Variants in CIP2A observed in about 807,000 individuals in gnomAD.
The protein encoded by CIP2A is protein CIP2A.
In CIP2A, 103 loss-of-function variants were observed where a neutral mutation model predicts 110.9. The observed-to-expected ratio is 0.93, with a 90% confidence interval of 0.79 to 1.09. The LOEUF (loss-of-function observed/expected upper bound fraction) is 1.09, where lower values mean the gene tolerates loss of function less well. CIP2A is among the 50% of genes least tolerant of loss of function. The probability of loss-of-function intolerance (pLI) is 0.00; values close to 1 mark genes in which losing one functional copy is unlikely to be tolerated. For synonymous variants in CIP2A, 381 were observed against 361.6 expected (o/e 1.05, Z -0.61); for missense variants, 1,088 against 1,038.4 (o/e 1.05, Z -0.66).
chr3:108,582,135 T>C lies in CIP2A; in HGVS notation c.425A>G (p.Glu142Gly). Residue 142 changes from glutamate to glycine, a missense_variant, in exon 4 of 21, where the codon GAA becomes GGA. Physicochemically the swap from Glu to Gly is moderately conservative, Grantham distance 98 (BLOSUM62 -2). Transcript: ENST00000295746. The part of the protein sequence containing the change: ...KIFYSGANID[E>G]LITFLIDHIQ... ...GTGATCTATCAGGAACGTAATTAATTCATCTATATTGGCACCAGAATAGAA... is the reference window on the plus strand; with the variant it reads ...GTGATCTATCAGGAACGTAATTAATCCATCTATATTGGCACCAGAATAGAA... 1 of 1,494,884 alleles carries C rather than the reference T, an allele frequency of 6.7e-7. No individual in the cohort carries two copies. The highest frequency in any genetic ancestry group is 9.2e-7 in the Non-Finnish European group (1 of 1,086,148). The allele number at this position is 1,494,884 out of a possible 1,614,324, so 92.6% of individuals were successfully genotyped here.
intron 10 of CIP2A, 29 bp downstream of exon 10, chr3:108,568,126 G>A (rs1938247278): frequency 6.3e-7 from 1 of 1,580,178 alleles, no homozygotes; most frequent in South Asian, 1.1e-5. Flanking sequence ...TAGTTATACA[G>A]TTTTCACGTT....
chr3:108,561,487 C>T (rs368836811), intron 13 of CIP2A, among the ~76,000 whole-genome samples: 2 of 152,014 alleles, frequency 1.3e-5, no homozygotes, highest in Admixed American at 6.6e-5. Flanking sequence ...CCTGGGCAAC[C>T]TGGTGAGACC....
chr3:108,579,224 C>G lies in CIP2A; in HGVS notation c.818+57G>C, dbSNP rs966460843. ...TTAAGAAGACAATTCTGTTTATAAC[C>G]AACACATCTTGGTTTAAAAATAAAA... On this transcript the variant is annotated intron_variant, in intron 7 of 20. Transcript: ENST00000295746. 1.6e-5 allele frequency: 21 copies of G among 1,297,490 alleles called. No homozygotes were observed. The African/African-American group carries it at 2.7e-4, about 17-fold the overall frequency. 80.4% of individuals were successfully genotyped at this position (1,297,490 alleles called of 1,614,324 possible).
Position 108,579,414 on chromosome 3 carries a change from G to A in CIP2A, c.685C>T (p.Arg229Ter), listed in dbSNP as rs747274890. The A allele has an allele frequency of 6.8e-6, 11 of 1,607,670 alleles. No individual in the cohort carries two copies. The highest frequency in any genetic ancestry group is 1.3e-5 in the African/African-American group (1 of 74,704). ...EEVGEKLFHA[R>*]NIHQTFQLIF... ...AGTTGAAAAGTCTGATGAATGTTTCGAGCATGGAATAGCTTAAGGACAAAT... is the reference window on the plus strand; with the variant it reads ...AGTTGAAAAGTCTGATGAATGTTTCAAGCATGGAATAGCTTAAGGACAAAT... Residue 229 changes from arginine (R) to a stop codon, truncating the protein, a stop_gained, in exon 7 of 21, where the codon CGA becomes TGA. Transcript: ENST00000295746. LOFTEE classifies it high-confidence loss of function.
chr3:108,558,595 T>C (rs1000014939), intron 16 of CIP2A, among the ~76,000 whole-genome samples: 2 of 152,076 alleles, frequency 1.3e-5, no homozygotes, highest in African/African-American at 4.8e-5. Flanking sequence ...TCCACGTGGT[T>C]TGAAAAATGT....
intron 12 of CIP2A, among the ~76,000 whole-genome samples, chr3:108,564,126 C>CCAGTGTCA (rs1409275296): frequency 6.6e-5 from 10 of 152,016 alleles, no homozygotes; most frequent in Middle Eastern, 3.4e-3. Context: ...TGAGTATAAT[C>CCAGTGTCA]CAGTGTCACA....
chr3:108,582,023 T>C (rs1938898920), intron 4 of CIP2A, 85 bp downstream of exon 4: 2 of 617,522 alleles, frequency 3.2e-6, no homozygotes, highest in Non-Finnish European at 5.7e-6. Flanking sequence ...GAAAATGTTA[T>C]CTAAGAAAAA....
chr3:108,584,366 T>A (rs1576320555), intron 2 of CIP2A, among the ~76,000 whole-genome samples: 1 of 152,142 alleles, frequency 6.6e-6, no homozygotes, highest in African/African-American at 2.4e-5. Context: ...CAGAAAAATA[T>A]CTGCAAAGAA....
intron 8 of CIP2A, among the ~76,000 whole-genome samples, chr3:108,575,886 GTGT>G (rs1938620732): frequency 2.2e-5 from 1 of 45,282 alleles, no homozygotes; most frequent in African/African-American, 6.5e-5. Context: ...TCATATACAT[GTGT>G]ATGAGTATAT....
intron 19 of CIP2A, among the ~76,000 whole-genome samples, chr3:108,553,441 T>G (rs2107308589): frequency 6.6e-6 from 1 of 152,050 alleles, no homozygotes; most frequent in Admixed American, 6.6e-5. Context: ...TTCTTATAGC[T>G]CCTAAATTTA....
At chr3:108,589,169 G>A in intron 1 of CIP2A, 105 bp downstream of exon 1, 1 of 784,752 alleles carries the variant, frequency 1.3e-6, no homozygotes, top group Non-Finnish European at 2.2e-6. Context: ...GGGATCGAAG[G>A]ACTGTCCTTT....
intron 17 of CIP2A, among the ~76,000 whole-genome samples, chr3:108,555,018 T>G (rs1416094498): frequency 3.3e-5 from 5 of 152,158 alleles, no homozygotes; most frequent in Non-Finnish European, 7.4e-5. Context: ...GTAGCCAAAC[T>G]TGGCCAGCAG....
chr3:108,585,277 A>G, intron 1 of CIP2A, 65 bp from the exon 2 acceptor site: 1 of 1,435,892 alleles, frequency 7.0e-7, no homozygotes, highest in Non-Finnish European at 9.4e-7. Flanking sequence ...CTCCATTTCA[A>G]ATAAAAAACT....
At position 108,589,399 on chromosome 3, in the gene CIP2A, G is replaced by C. The variant is rs751593016; in HGVS notation, c.-24C>G. On this transcript the variant is annotated 5_prime_UTR_variant, in exon 1 of 21. Coordinates refer to ENST00000295746, the MANE Select transcript of CIP2A (RefSeq NM_020890.3). ...ATTGCACCGGCCGCGGCCCGGCTTA[G>C]GGACCACCACCGCCCAGCGTGCGCC... 3.8e-6 allele frequency: 6 copies of C among 1,564,116 alleles called. No individual in the cohort carries two copies. In the South Asian group the frequency reaches 4.5e-5, roughly 12 times the overall value.
chr3:108,571,841 T>C (rs895465792), intron 8 of CIP2A, among the ~76,000 whole-genome samples: 2 of 152,170 alleles, frequency 1.3e-5, no homozygotes, highest in African/African-American at 2.4e-5. Context: ...GTTTTCATAA[T>C]TGGTTGTTCT....
chr3:108,579,458 C>CA, intron 6 of CIP2A, 32 bp from the exon 7 acceptor site: 5 of 1,574,332 alleles, frequency 3.2e-6, no homozygotes, highest in Non-Finnish European at 4.3e-6. Context: ...GCATATTAGA[C>CA]AAAAAATTAA....
chr3:108,565,501 A>G (rs1482269965), intron 11 of CIP2A, 47 bp from the exon 12 acceptor site: 3 of 1,049,714 alleles, frequency 2.9e-6, no homozygotes, highest in East Asian at 2.5e-5. Flanking sequence ...AAAATTTCTT[A>G]GAGCTTGTTT....
intron 12 of CIP2A, among the ~76,000 whole-genome samples, 165 bp downstream of exon 12, chr3:108,565,190 T>C (rs1306112201): frequency 6.6e-6 from 1 of 151,924 alleles, no homozygotes; most frequent in Non-Finnish European, 1.5e-5. Flanking sequence ...AAAATAACTG[T>C]GCAGTGAGAC....
At position 108,560,525 on chromosome 3, in the gene CIP2A, G is replaced by C. The variant is rs1304857387; in HGVS notation, c.1827+124C>G. 7.7e-5 allele frequency: 49 copies of C among 635,756 alleles called. 1 individual carries two copies. In the East Asian group the frequency reaches 1.5e-3, roughly 19 times the overall value. 39.4% of individuals were successfully genotyped at this position (635,756 alleles called of 1,614,324 possible). A position where few individuals can be genotyped will look rare whatever the true frequency, so the allele number is the denominator to read the frequency against. ...TTATTTCCAAATTTTCCAGAATATT[G>C]TTATTTCTTATATTAAGGTTTCAAT... On this transcript the variant is annotated intron_variant, in intron 14 of 20. Transcript: ENST00000295746.
Sources: gnomAD v4.1 joint callset for allele counts (sites outside exome capture counted in the v4.1 genomes callset) on GRCh38, gnomAD v4.1.1 for gene constraint, MANE v1.5 for transcripts, NCBI Gene and HGNC (gene_info 2026-07-23, HGNC 2026-07-21) for gene names.